Variants in PDE1C observed in about 807,000 individuals in gnomAD.
The protein encoded by PDE1C is dual specificity calcium/calmodulin-dependent 3',5'-cyclic nucleotide phosphodiesterase 1C.
In PDE1C, 62 loss-of-function variants were observed where a neutral mutation model predicts 93.1. That is an observed-to-expected ratio of 0.67 (90% confidence interval 0.54 to 0.82). The LOEUF is 0.82. Among genes scored for constraint, PDE1C ranks in the 40% least tolerant of loss-of-function variants. The pLI, the probability that PDE1C is intolerant of heterozygous loss-of-function variation, is 0.00. For missense variants in PDE1C, 742 were observed against 884.6 expected (o/e 0.84, Z 2.04); for synonymous variants, 325 against 310.1 (o/e 1.05, Z -0.50).
chr7:31,943,095 C>G (rs1806070904), intron 2 of PDE1C, among the ~76,000 whole-genome samples: 1 of 152,174 alleles, frequency 6.6e-6, no homozygotes, highest in Non-Finnish European at 1.5e-5. Flanking sequence ...ATTCCCCATA[C>G]TAGGGGTACC....
intron 2 of PDE1C, among the ~76,000 whole-genome samples, chr7:31,981,254 G>T (rs1812329889): frequency 6.6e-6 from 1 of 152,216 alleles, no homozygotes; most frequent in South Asian, 2.1e-4. Flanking sequence ...TAAATCTGGG[G>T]ATGTGAAGCA....
At chr7:31,856,282 C>T (rs1458084729) in intron 7 of PDE1C, among the ~76,000 whole-genome samples, 2 of 152,050 alleles carry the variant, frequency 1.3e-5, no homozygotes, top group Non-Finnish European at 2.9e-5. Flanking sequence ...TGTAAGCTCA[C>T]AATGAAAGAA....
chr7:31,642,917 A>G, the PDE1C span: 2 of 1,614,040 alleles, frequency 1.2e-6, no homozygotes, highest in Non-Finnish European at 1.7e-6. Context: ...GGGCCACCAG[A>G]GCTGTATATC....
chr7:31,639,486 T>C, the PDE1C span, among the ~76,000 whole-genome samples: 1 of 151,956 alleles, frequency 6.6e-6, no homozygotes, highest in Admixed American at 6.5e-5. Context: ...TCATCTTTCC[T>C]CTAGCTTCTT....
intron 16 of PDE1C, among the ~76,000 whole-genome samples, chr7:31,807,928 G>A (rs1394978113): frequency 1.4e-5 from 2 of 147,038 alleles, no homozygotes; most frequent in Non-Finnish European, 1.5e-5. Flanking sequence ...TAAGCACATT[G>A]GTAAAAAAAA....
At chr7:31,878,072 C>T (rs775803714) in intron 4 of PDE1C, 36 bp from the exon 5 acceptor site, 6 of 1,451,212 alleles carry the variant, frequency 4.1e-6, no homozygotes, top group Non-Finnish European at 5.8e-6. Context: ...AACATGATAT[C>T]TTATAAAGTA....
chr7:32,082,632 C>G (rs1470829239), intron 3 of PDE1C, among the ~76,000 whole-genome samples: 1 of 152,190 alleles, frequency 6.6e-6, no homozygotes, highest in East Asian at 1.9e-4. Flanking sequence ...CCTCACACGG[C>G]TGGGTACTCC....
At chr7:32,269,253 A>AG (rs1035058614) in intron 1 of PDE1C, among the ~76,000 whole-genome samples, 19 of 147,134 alleles carry the variant, frequency 1.3e-4, no homozygotes, top group Non-Finnish European at 3.0e-5. Context: ...ATTCTGAGCC[A>AG]GGGGGGGTGA....
At chr7:32,046,213 T>TAA (rs1010966269) in intron 2 of PDE1C, among the ~76,000 whole-genome samples, 1 of 147,092 alleles carries the variant, frequency 6.8e-6, no homozygotes, top group Non-Finnish European at 1.5e-5. Context: ...GCCTTTTTTT[T>TAA]AAAAAAAAAA....
At chr7:32,250,688 C>T (rs1461356160) in intron 1 of PDE1C, among the ~76,000 whole-genome samples, 2 of 152,234 alleles carry the variant, frequency 1.3e-5, no homozygotes, top group Non-Finnish European at 2.9e-5. Context: ...CAACAGCGCA[C>T]AGCCCCACCA....
intron 5 of PDE1C, among the ~76,000 whole-genome samples, chr7:31,875,229 C>A (rs1344455350): frequency 6.6e-6 from 1 of 152,102 alleles, no homozygotes; most frequent in Non-Finnish European, 1.5e-5. Context: ...AATTTTTAAT[C>A]CTAGTGTCCA....
At chr7:32,400,094 A>T (rs1784915139) in intron 1 of PDE1C, among the ~76,000 whole-genome samples, 1 of 152,156 alleles carries the variant, frequency 6.6e-6, no homozygotes, top group Admixed American at 6.5e-5. Context: ...TGGAAATTTC[A>T]TTGTTCCTTC....
rs184898811 is a variant in PDE1C at position 31,961,810 on chromosome 7, A to G, written c.129-80950T>C. 9.4e-4 allele frequency among the ~76,000 whole-genome samples: 143 copies of G among 152,328 alleles called. 1 individual carries two copies. The highest frequency in any genetic ancestry group is 3.4e-3 in the Middle Eastern group (1 of 294). On this transcript the variant is annotated intron_variant, in intron 2 of 17. Coordinates refer to ENST00000396191, the MANE Select transcript of PDE1C (RefSeq NM_001191057.4). ...TTCACCCAAACTAAGGCAAAAACCA[A>G]CACCAATAAAAATATCTCCAGAAAC...
At chr7:32,074,837 T>G (rs565102239), upstream of PDE1C, among the ~76,000 whole-genome samples, 16 of 152,314 alleles carry the variant, frequency 1.1e-4, no homozygotes, top group Non-Finnish European at 2.1e-4. Flanking sequence ...TGTCCTGCAA[T>G]CCACAAACGT....
chr7:31,797,965 T>C (rs1036247562), intron 16 of PDE1C, among the ~76,000 whole-genome samples: 1 of 151,696 alleles, frequency 6.6e-6, no homozygotes, highest in African/African-American at 2.4e-5. Context: ...ACATGCAAGA[T>C]GACCCATATC....
At chr7:31,730,141 T>G in the PDE1C span, among the ~76,000 whole-genome samples, 5 of 152,226 alleles carry the variant, frequency 3.3e-5, no homozygotes, top group Non-Finnish European at 5.9e-5. Flanking sequence ...AGTCTTGGTT[T>G]ACCGTCCTTT....
intron 2 of PDE1C, among the ~76,000 whole-genome samples, chr7:32,001,659 T>G (rs192076876): frequency 5.3e-5 from 8 of 152,248 alleles, no homozygotes; most frequent in Admixed American, 5.2e-4. Flanking sequence ...ATCTCCATTT[T>G]GCAGATGACG....
intron 3 of PDE1C, among the ~76,000 whole-genome samples, chr7:32,092,656 T>G (rs913467066): frequency 2.1e-4 from 32 of 152,216 alleles, no homozygotes; most frequent in Admixed American, 2.1e-3. Flanking sequence ...AAGCAGAAAT[T>G]ACCAAAGGTT....
chr7:32,279,937 G>GA (rs549585050), intron 1 of PDE1C, among the ~76,000 whole-genome samples: 16 of 152,272 alleles, frequency 1.1e-4, no homozygotes, highest in Middle Eastern at 3.4e-3. Context: ...TATTGCAACA[G>GA]AAAGGTGACC....
Sources: gnomAD v4.1 joint callset for allele counts (sites outside exome capture counted in the v4.1 genomes callset) on GRCh38, gnomAD v4.1.1 for gene constraint, MANE v1.5 for transcripts, NCBI Gene and HGNC (gene_info 2026-07-23, HGNC 2026-07-21) for gene names.